DST: variants seen among roughly 807,000 people sequenced by gnomAD.
The protein encoded by DST is dystonin.
Under a neutral mutation model 875.2 loss-of-function variants are expected in DST, and 253 were observed. The observed-to-expected ratio is 0.29, with a 90% CI of 0.26 to 0.32. The LOEUF is 0.32. Ranked by LOEUF, DST falls within the 10% of genes least tolerant of loss-of-function variation. The pLI is 1.00. For missense variants in DST, 8,287 were observed against 9,111.6 expected (o/e 0.91, Z 3.68); for synonymous variants, 3,124 against 3,197.1 (o/e 0.98, Z 0.77).
At position 56,639,549 on chromosome 6, in the gene DST, A is replaced by G. The variant is rs899521282; in HGVS notation, c.2760T>C (p.Thr920=). Reference sequence around the variant, plus strand: ...TTTCATTCAACCAAATAAGTTCATTAGTCGCACGACTTACAAAATTATGGA... The same window carrying G: ...TTTCATTCAACCAAATAAGTTCATTGGTCGCACGACTTACAAAATTATGGA... ...DTLHNFVSRA[T]NELIWLNEKE... Residue 920 remains threonine (T), a synonymous_variant, in exon 21 of 104, where the codon ACT becomes ACC. Transcript: ENST00000680361. The G allele has an allele frequency of 1.2e-6, 2 of 1,613,798 alleles. No homozygotes were observed. The highest frequency in any genetic ancestry group is 1.7e-6 in the Non-Finnish European group (2 of 1,179,898).
chr6:56,722,672 G>A (rs966108922), intron 5 of DST, among the ~76,000 whole-genome samples: 4 of 152,126 alleles, frequency 2.6e-5, no homozygotes, highest in African/African-American at 4.8e-5. Flanking sequence ...ATGAGCCACC[G>A]CGCCCAGCCT....
intron 5 of DST, among the ~76,000 whole-genome samples, chr6:56,710,682 A>G (rs1420747321): frequency 1.3e-5 from 2 of 152,220 alleles, no homozygotes; most frequent in African/African-American, 4.8e-5. Flanking sequence ...AATGCTCAAA[A>G]ACATTGTATT....
intron 3 of DST, among the ~76,000 whole-genome samples, chr6:56,864,409 A>G (rs1474758547): frequency 6.6e-6 from 1 of 152,082 alleles, no homozygotes; most frequent in Non-Finnish European, 1.5e-5. Flanking sequence ...ATTGTCTACC[A>G]TATTACTGCA....
At chr6:56,771,165 ACT>A (rs1408056391) in intron 4 of DST, among the ~76,000 whole-genome samples, 2 of 151,902 alleles carry the variant, frequency 1.3e-5, no homozygotes, top group Admixed American at 6.6e-5. Flanking sequence ...AAAAAAAAAA[ACT>A]CTGATTATAC....
intron 61 of DST, among the ~76,000 whole-genome samples, chr6:56,546,896 T>A (rs577257133): frequency 1.3e-5 from 2 of 152,302 alleles, no homozygotes; most frequent in East Asian, 3.9e-4. Context: ...GCTGTTTTAT[T>A]GGATCACTCT....
At chr6:56,590,923 C>A (rs1248566302) in intron 49 of DST, among the ~76,000 whole-genome samples, 1 of 152,202 alleles carries the variant, frequency 6.6e-6, no homozygotes, top group Non-Finnish European at 1.5e-5. Context: ...TCAGGCAATA[C>A]CTAACTTTAA....
intron 9 of DST, among the ~76,000 whole-genome samples, chr6:56,671,948 A>G (rs926707274): frequency 6.6e-6 from 1 of 152,252 alleles, no homozygotes; most frequent in Non-Finnish European, 1.5e-5. Context: ...TATCTATAAA[A>G]TGAGGAGGAG....
In DST at chr6:56,515,421, T is replaced by C. The variant is rs766773128; in HGVS notation, c.18576+29A>G. 5.6e-6 allele frequency: 9 copies of C among 1,608,024 alleles called. No homozygotes were observed. The East Asian group carries it at 6.7e-5, about 12-fold the overall frequency. On this transcript the variant is annotated intron_variant, in intron 72 of 103. Coordinates refer to ENST00000680361, the MANE Select transcript of DST (RefSeq NM_001374736.1). ...ATCATGATTCTCTTTTAATGGGGAATACAATATTCTCTTTCACACCAGGCT... is the reference window on the plus strand; with the variant it reads ...ATCATGATTCTCTTTTAATGGGGAACACAATATTCTCTTTCACACCAGGCT...
At chr6:56,840,649 T>C (rs1436330756) in intron 4 of DST, among the ~76,000 whole-genome samples, 1 of 152,162 alleles carries the variant, frequency 6.6e-6, no homozygotes, top group African/African-American at 2.4e-5. Flanking sequence ...CAAAACAAGA[T>C]ACAAGAATAG....
At chr6:56,544,761 T>C (rs1366820317) in intron 61 of DST, among the ~76,000 whole-genome samples, 3 of 152,246 alleles carry the variant, frequency 2.0e-5, no homozygotes, top group East Asian at 3.8e-4. Flanking sequence ...GATTTTTATA[T>C]TGATTCACAT....
intron 4 of DST, among the ~76,000 whole-genome samples, chr6:56,804,503 A>G (rs768091356): frequency 4.6e-5 from 7 of 152,336 alleles, no homozygotes. Context: ...AAATCTTAAT[A>G]TATCTTAGCC....
chr6:56,673,247 A>AAAAACAAAAC (rs921499587), intron 9 of DST, among the ~76,000 whole-genome samples: 1 of 152,174 alleles, frequency 6.6e-6, no homozygotes, highest in Non-Finnish European at 1.5e-5. Flanking sequence ...CCTTAAAATC[A>AAAAACAAAAC]AAAACAAAAC....
chr6:56,652,112 C>A (rs1287759418), intron 10 of DST, among the ~76,000 whole-genome samples: 1 of 152,156 alleles, frequency 6.6e-6, no homozygotes, highest in African/African-American at 2.4e-5. Flanking sequence ...CCCCCCTACA[C>A]ACACACACAG....
chr6:56,645,805 A>G lies in DST; in HGVS notation c.1778+61T>C, dbSNP rs1160755495. 6 of 1,580,032 alleles carry G rather than the reference A, an allele frequency of 3.8e-6. No homozygotes were observed. In the Admixed American group the frequency reaches 5.7e-5, roughly 15 times the overall value. On this transcript the variant is annotated intron_variant, in intron 15 of 103. Transcript: ENST00000680361. ...ACAGAGGTTTAACTTAAGTTCTTTC[A>G]CAAGAACACAAAGGCCCCCTCCCCA...
At chr6:56,687,009 T>G (rs1385508181) in intron 9 of DST, among the ~76,000 whole-genome samples, 2 of 152,188 alleles carry the variant, frequency 1.3e-5, no homozygotes, top group African/African-American at 4.8e-5. Flanking sequence ...CCTCCCCTAC[T>G]CTGCCAAGCT....
In DST at chr6:56,608,641, A is replaced by C. The variant is rs372204186; in HGVS notation, c.5987T>G (p.Leu1996Arg). Residue 1996 changes from leucine (L) to arginine (R), a missense_variant, in exon 40 of 104, where the codon CTG becomes CGG. Physicochemically the swap from Leu to Arg is moderately radical, Grantham distance 102 (BLOSUM62 -2). Transcript: ENST00000680361. ...TCTTTGGCCAGAGTTGGAATTGATC[A>C]GACCTCCAGAAAGAAGCTGTGCACT... ...LLSAQLLSGG[L>R]INSNSGQRMT... 7.5e-5 allele frequency: 121 copies of C among 1,613,068 alleles called. No individual in the cohort carries two copies. The highest frequency in any genetic ancestry group is 1.0e-4 in the Non-Finnish European group (120 of 1,179,566).
chr6:56,536,984 C>A, intron 61 of DST, 44 bp from the exon 62 acceptor site: 1 of 1,547,264 alleles, frequency 6.5e-7, no homozygotes. Flanking sequence ...TATTACCTAT[C>A]AACCGCCAAA....
chr6:56,877,625 A>G (rs908485016), intron 3 of DST, among the ~76,000 whole-genome samples: 2 of 152,218 alleles, frequency 1.3e-5, no homozygotes, highest in Non-Finnish European at 2.9e-5. Context: ...AGAGCAAACA[A>G]TAAATATGTG....
chr6:56,468,368 A>G (rs1286919400), intron 98 of DST, among the ~76,000 whole-genome samples: 1 of 152,232 alleles, frequency 6.6e-6, no homozygotes, highest in Non-Finnish European at 1.5e-5. Flanking sequence ...AAGATTCTGC[A>G]TATATTATAG....
Sources: allele counts gnomAD v4.1 joint callset (sites outside exome capture counted in the v4.1 genomes callset), GRCh38; gene constraint gnomAD v4.1.1; transcripts MANE v1.5; gene names NCBI Gene and HGNC (gene_info 2026-07-23, HGNC 2026-07-21).